ATRN: variants seen among roughly 807,000 people sequenced by gnomAD.
ATRN encodes attractin-2.
In ATRN, 54 loss-of-function variants were observed where a neutral mutation model predicts 178.7. The ratio of observed to expected loss-of-function variants is 0.30; its 90% CI spans 0.24 to 0.38. The LOEUF (loss-of-function observed/expected upper bound fraction) is 0.38. Ranked by LOEUF, ATRN falls within the 10% of genes least tolerant of loss-of-function variation. ATRN has a pLI of 1.00. For missense variants in ATRN, 1,443 were observed against 1,815.1 expected, an observed-to-expected ratio of 0.79 and a Z score of 3.73; for synonymous variants, 636 against 663.0, an observed-to-expected ratio of 0.96 and a Z score of 0.63.
rs369893090 is a variant in ATRN, at chr20:3,528,007, G to A, written c.411-7246G>A. ...TGGGTGCGGCAAACCACCATGGCAC[G>A]TGTGTACCTGTGTAACAAACCTACA... On this transcript the variant is annotated intron_variant, in intron 1 of 28. Coordinates refer to ENST00000262919, the MANE Select transcript of ATRN (RefSeq NM_139321.3). 1.1e-4 allele frequency among the ~76,000 whole-genome samples: 16 copies of A among 152,096 alleles called. No individual in the cohort carries two copies. In the East Asian group the frequency reaches 2.5e-3, roughly 24 times the overall value.
At chr20:3,589,524 C>T (rs928694368) in intron 18 of ATRN, among the ~76,000 whole-genome samples, 1 of 151,966 alleles carries the variant, frequency 6.6e-6, no homozygotes, top group African/African-American at 2.4e-5. Context: ...TTCATTCTCT[C>T]ATATTTCTTG....
At chr20:3,563,132 T>A (rs891107645) in intron 9 of ATRN, 77 bp from the exon 10 acceptor site, 1 of 1,314,740 alleles carries the variant, frequency 7.6e-7, no homozygotes, top group African/African-American at 1.5e-5. Context: ...ATAAAGTGGT[T>A]GTGCTTGCAT....
At position 3,509,006 on chromosome 20, in the gene ATRN, CATA is replaced by C. The variant is rs572245900; in HGVS notation, c.411-26243_411-26241del. On this transcript the variant is annotated intron_variant, in intron 1 of 28. Transcript: ENST00000262919. ...AAGTAAATAGTAAAAGGATGCATAACATAATAGTTTATAAAGAAAAAAATGGAA... is the reference window on the plus strand; with the variant it reads ...AAGTAAATAGTAAAAGGATGCATAACATAGTTTATAAAGAAAAAAATGGAA... 5.3e-4 allele frequency among the ~76,000 whole-genome samples: 80 copies of C among 151,440 alleles called. 1 individual carries two copies. In the South Asian group the frequency reaches 0.015, roughly 28 times the overall value.
chr20:3,511,764 C>G (rs1006330597), intron 1 of ATRN, among the ~76,000 whole-genome samples: 5 of 152,058 alleles, frequency 3.3e-5, no homozygotes, highest in Non-Finnish European at 7.4e-5. Flanking sequence ...TTGAAAAAAT[C>G]ACACGTAGCT....
At chr20:3,471,800 G>A (rs6076524) in intron 1 of ATRN, among the ~76,000 whole-genome samples, 99,250 of 152,046 alleles carry the variant, frequency 0.65, 33,159 homozygotes, top group East Asian at 0.95. Flanking sequence ...GACCCAAAGA[G>A]CATCAAAGCC....
intron 1 of ATRN, among the ~76,000 whole-genome samples, chr20:3,478,735 A>G (rs899374692): frequency 6.6e-6 from 1 of 152,146 alleles, no homozygotes; most frequent in Non-Finnish European, 1.5e-5. Context: ...TACCTCTAAA[A>G]TGATCCTCAG....
At chr20:3,493,120 GTT>G (rs1210568529) in intron 1 of ATRN, among the ~76,000 whole-genome samples, 6 of 31,552 alleles carry the variant, frequency 1.9e-4, no homozygotes, top group South Asian at 1.0e-3. Flanking sequence ...AGGTACGTTT[GTT>G]TGTGTGTGTG....
chr20:3,478,194 T>C (rs2084556629), intron 1 of ATRN, among the ~76,000 whole-genome samples: 1 of 152,150 alleles, frequency 6.6e-6, no homozygotes, highest in South Asian at 2.1e-4. Context: ...ACCTGCAGAG[T>C]CTGCTTCACA....
intron 11 of ATRN, among the ~76,000 whole-genome samples, chr20:3,567,672 T>A (rs2086055250): frequency 6.6e-6 from 1 of 152,226 alleles, no homozygotes; most frequent in Non-Finnish European, 1.5e-5. Context: ...TTCTTCATGC[T>A]TTAAGTGGAT....
chr20:3,519,456 C>T (rs562740399), intron 1 of ATRN, among the ~76,000 whole-genome samples: 1 of 152,144 alleles, frequency 6.6e-6, no homozygotes, highest in Non-Finnish European at 1.5e-5. Context: ...CAATTCAGTA[C>T]ATGAATTAAA....
At chr20:3,592,415 GAAAA>G (rs1420654892) in intron 19 of ATRN, 2 of 402,506 alleles carry the variant, frequency 5.0e-6, no homozygotes, top group Non-Finnish European at 3.2e-6. Context: ...AAAAAAAAAA[GAAAA>G]AAAAAAAAGT....
chr20:3,522,645 C>G (rs919609126), intron 1 of ATRN, among the ~76,000 whole-genome samples: 7 of 152,196 alleles, frequency 4.6e-5, no homozygotes, highest in African/African-American at 1.7e-4. Context: ...CAGGGGTCGA[C>G]AGACAGCTCA....
At chr20:3,482,912 C>G (rs1047432916) in intron 1 of ATRN, among the ~76,000 whole-genome samples, 1 of 152,088 alleles carries the variant, frequency 6.6e-6, no homozygotes, top group Non-Finnish European at 1.5e-5. Flanking sequence ...GGAAGAGATG[C>G]GAGGAATATC....
chr20:3,499,843 TTAAAC>T (rs1479079287), intron 1 of ATRN, among the ~76,000 whole-genome samples: 1 of 147,888 alleles, frequency 6.8e-6, no homozygotes, highest in East Asian at 2.0e-4. Flanking sequence ...TGGGATCTAA[TTAAAC>T]TAAAGAGCTT....
rs2087142420 is a variant in ATRN, at chr20:3,650,931, T to C, written c.*4084T>C. The C allele has an allele frequency of 1.3e-5, 2 of 152,654 alleles. No homozygotes were observed. The highest frequency in any genetic ancestry group is 1.3e-4 in the Admixed American group (2 of 15,276). The allele number at this position is 152,654 out of a possible 1,614,324, so 9.5% of individuals were successfully genotyped here. On this transcript the variant is annotated 3_prime_UTR_variant, in exon 29 of 29. Coordinates refer to ENST00000262919, the MANE Select transcript of ATRN (RefSeq NM_139321.3). The stretch of plus-strand genomic sequence containing the variant: ...TTCATCGCGGGGATTGTGGGTGTTA[T>C]ACATACATTTAGGACTGCAATTTTT...
intron 1 of ATRN, among the ~76,000 whole-genome samples, chr20:3,508,911 T>C (rs369812840): frequency 4.1e-4 from 63 of 152,028 alleles, no homozygotes; most frequent in African/African-American, 1.4e-3. Flanking sequence ...CCTTGATAAA[T>C]CAGGGATGCA....
At chr20:3,614,380 G>A (rs912224348) in intron 24 of ATRN, among the ~76,000 whole-genome samples, 4 of 152,188 alleles carry the variant, frequency 2.6e-5, no homozygotes, top group Admixed American at 6.5e-5. Context: ...GCTCTGGCTC[G>A]TTCCCGACTC....
At chr20:3,558,579 C>T (rs986795004) in intron 6 of ATRN, among the ~76,000 whole-genome samples, 1 of 151,208 alleles carries the variant, frequency 6.6e-6, no homozygotes, top group Non-Finnish European at 1.5e-5. Context: ...AAAATCAACA[C>T]TTTATTAACA....
chr20:3,534,802 A>G (rs1041688290), intron 1 of ATRN, among the ~76,000 whole-genome samples: 6 of 152,200 alleles, frequency 3.9e-5, no homozygotes, highest in Non-Finnish European at 8.8e-5. Context: ...TGTTTCTACA[A>G]AAAATAAATT....
Sources: allele counts gnomAD v4.1 joint callset (sites outside exome capture counted in the v4.1 genomes callset), GRCh38; gene constraint gnomAD v4.1.1; transcripts MANE v1.5; gene names NCBI Gene and HGNC (gene_info 2026-07-23, HGNC 2026-07-21).